Variants in PSD3 observed in about 807,000 individuals in gnomAD.
PSD3 encodes the protein PH and SEC7 domain-containing protein 3.
Under a neutral mutation model 105.5 loss-of-function variants are expected in PSD3, and 49 were observed. The observed-to-expected ratio is 0.46, with a 90% CI of 0.37 to 0.59. The LOEUF (loss-of-function observed/expected upper bound fraction) is 0.59, where lower values mean the gene tolerates loss of function less well. Ranked by LOEUF, PSD3 falls within the 20% of genes least tolerant of loss-of-function variation. The pLI, the probability that PSD3 is intolerant of heterozygous loss-of-function variation, is 0.00. For synonymous variants in PSD3, 557 were observed against 457.8 expected, an observed-to-expected ratio of 1.22 and a Z score of -2.77; for missense variants, 1,561 against 1,263.8, an observed-to-expected ratio of 1.24 and a Z score of -3.57.
At chr8:18,878,619 C>T (rs574939927) in intron 2 of PSD3, among the ~76,000 whole-genome samples, 10 of 152,294 alleles carry the variant, frequency 6.6e-5, no homozygotes, top group Admixed American at 3.3e-4. Flanking sequence ...ACCTGACATA[C>T]TTTTTCTTCT....
At chr8:18,619,082 T>C (rs893424375) in intron 11 of PSD3, among the ~76,000 whole-genome samples, 3 of 152,108 alleles carry the variant, frequency 2.0e-5, no homozygotes, top group Non-Finnish European at 4.4e-5. Flanking sequence ...ATGATCTATC[T>C]TGCTTCAAAG....
intron 1 of PSD3, among the ~76,000 whole-genome samples, chr8:19,037,514 G>A (rs772505905): frequency 2.0e-5 from 3 of 152,160 alleles, no homozygotes; most frequent in Admixed American, 1.3e-4. Flanking sequence ...ATTATTTCTG[G>A]GTGTCTGTGA....
intron 4 of PSD3, among the ~76,000 whole-genome samples, chr8:18,863,624 A>G (rs1242121632): frequency 6.6e-6 from 1 of 152,106 alleles, no homozygotes; most frequent in African/African-American, 2.4e-5. Context: ...CAAAAAACTT[A>G]ATTATGTTTG....
intron 4 of PSD3, among the ~76,000 whole-genome samples, chr8:18,865,668 G>C (rs925709243): frequency 1.3e-5 from 2 of 152,062 alleles, no homozygotes; most frequent in Non-Finnish European, 1.5e-5. Flanking sequence ...GAATTGTACA[G>C]TAGGAGTGCC....
At position 18,572,567 on chromosome 8, in the gene PSD3, G is replaced by A. The variant is rs1802208679; in HGVS notation, c.2745C>T (p.Ser915=). 1.9e-6 allele frequency: 3 copies of A among 1,613,980 alleles called. No individual in the cohort carries two copies. Among genetic ancestry groups the A allele is most frequent in the African/African-American group, 1.3e-5 (1 of 75,028 alleles). Residue 915 remains serine (S), a synonymous_variant, in exon 14 of 16, where the codon AGC becomes AGT. Coordinates refer to ENST00000327040, the MANE Select transcript of PSD3 (RefSeq NM_015310.4). ...TTGTAGTGGCAGGCAGAAGTGGGCGGCTAAACTTCTTCTGAGAGCCGATTG... is the reference window on the plus strand; with the variant it reads ...TTGTAGTGGCAGGCAGAAGTGGGCGACTAAACTTCTTCTGAGAGCCGATTG... ...PAAIGSQKKF[S]RPLLPATTTK...
intron 1 of PSD3, among the ~76,000 whole-genome samples, chr8:18,991,304 T>C (rs1200598484): frequency 6.6e-6 from 1 of 151,650 alleles, no homozygotes; most frequent in East Asian, 1.9e-4. Context: ...GTGATGTGTT[T>C]ACTCTCTCGG....
chr8:18,563,553 G>A (rs1348914334), intron 14 of PSD3, among the ~76,000 whole-genome samples: 3 of 152,124 alleles, frequency 2.0e-5, no homozygotes, highest in Non-Finnish European at 2.9e-5. Context: ...CAGTTTGAGG[G>A]AGGCTCAATC....
intron 9 of PSD3, among the ~76,000 whole-genome samples, chr8:18,729,374 A>G (rs1183924876): frequency 6.6e-6 from 1 of 152,208 alleles, no homozygotes; most frequent in Non-Finnish European, 1.5e-5. Flanking sequence ...AGCAGTGTCT[A>G]ACATTAGTCC....
chr8:19,084,364 GCA>G lies in PSD3; in HGVS notation c.164_165del (p.Val55AlafsTer16). 2.2e-6 allele frequency: 1 copy of G among 456,284 alleles called. No homozygotes were observed. The highest frequency in any genetic ancestry group is 4.4e-6 in the Non-Finnish European group (1 of 226,966). The allele number at this position is 456,284 out of a possible 1,614,324, so 28.3% of individuals were successfully genotyped here. On this transcript the variant is annotated frameshift_variant, in exon 1 of 2. Coordinates refer to the PSD3 transcript ENST00000521475. LOFTEE classifies it high-confidence loss of function. ...TGGCAGGTCTCGGCGCCTCTCCTCA[GCA>G]CAGTCCTTTCCGCTCCATCTGCAGC...
At chr8:18,867,099 G>C (rs1488714566) in intron 4 of PSD3, among the ~76,000 whole-genome samples, 1 of 152,130 alleles carries the variant, frequency 6.6e-6, no homozygotes. Context: ...CTAAAGTAGA[G>C]AGAGAAAATA....
intron 9 of PSD3, among the ~76,000 whole-genome samples, chr8:18,657,506 T>C (rs1475178647): frequency 2.6e-5 from 4 of 152,148 alleles, no homozygotes; most frequent in South Asian, 2.1e-4. Context: ...ACAAAAGGGA[T>C]AGAACGTACA....
intron 11 of PSD3, among the ~76,000 whole-genome samples, chr8:18,617,636 G>A (rs1805793612): frequency 6.6e-6 from 1 of 152,044 alleles, no homozygotes; most frequent in African/African-American, 2.4e-5. Context: ...CTTGGTGAAG[G>A]GGATTCCAAA....
At chr8:18,590,475 C>T (rs1404997804) in intron 12 of PSD3, among the ~76,000 whole-genome samples, 3 of 151,942 alleles carry the variant, frequency 2.0e-5, no homozygotes, top group African/African-American at 4.8e-5. Flanking sequence ...CTCTGAATAC[C>T]CATATGTCAA....
At chr8:18,879,875 G>A (rs1422982339) in intron 2 of PSD3, among the ~76,000 whole-genome samples, 14 of 152,018 alleles carry the variant, frequency 9.2e-5, no homozygotes, top group African/African-American at 2.4e-4. Flanking sequence ...CTGGGATTAC[G>A]GCGTGAACTA....
At chr8:18,792,845 TAA>T (rs1238531543) in intron 8 of PSD3, among the ~76,000 whole-genome samples, 1 of 152,218 alleles carries the variant, frequency 6.6e-6, no homozygotes, top group African/African-American at 2.4e-5. Context: ...CAAAGGATTA[TAA>T]ATCATGCTGC....
chr8:18,633,126 G>C (rs754006905), intron 10 of PSD3, among the ~76,000 whole-genome samples: 1 of 151,938 alleles, frequency 6.6e-6, no homozygotes, highest in African/African-American at 2.4e-5. Flanking sequence ...TAAAGTCATT[G>C]GTCTTTTCAC....
chr8:18,861,533 C>A (rs531094037), intron 4 of PSD3, among the ~76,000 whole-genome samples: 1 of 152,252 alleles, frequency 6.6e-6, no homozygotes, highest in East Asian at 1.9e-4. Flanking sequence ...TCTGATCACA[C>A]TAGGTGTCCT....
chr8:18,784,965 G>GA (rs910270468), intron 8 of PSD3, among the ~76,000 whole-genome samples: 8 of 152,110 alleles, frequency 5.3e-5, no homozygotes, highest in Non-Finnish European at 1.2e-4. Context: ...AGGGGAGGCT[G>GA]AAAATTCCAA....
At chr8:18,584,774 TA>T (rs1455858978) in intron 12 of PSD3, among the ~76,000 whole-genome samples, 1 of 152,222 alleles carries the variant, frequency 6.6e-6, no homozygotes, top group Non-Finnish European at 1.5e-5. Flanking sequence ...ATACTGCTCT[TA>T]AATGTCTCTT....
Sources: gnomAD v4.1 joint callset for allele counts (sites outside exome capture counted in the v4.1 genomes callset) on GRCh38, gnomAD v4.1.1 for gene constraint, MANE v1.5 for transcripts, NCBI Gene and HGNC (gene_info 2026-07-23, HGNC 2026-07-21) for gene names.